ZNF66: variants seen among roughly 807,000 people sequenced by gnomAD.
The protein encoded by ZNF66 is putative zinc finger protein 66.
Under a neutral mutation model 35.2 loss-of-function variants are expected in ZNF66, and 32 were observed. The ratio of observed to expected loss-of-function variants is 0.91; its 90% CI spans 0.69 to 1.22. The LOEUF (loss-of-function observed/expected upper bound fraction) is 1.22, where lower values mean the gene tolerates loss of function less well. ZNF66 is among the 50% of genes most tolerant of loss of function. The pLI is 0.00. For missense variants in ZNF66, 666 were observed against 543.1 expected, an observed-to-expected ratio of 1.23 and a Z score of -2.25; for synonymous variants, 231 against 181.3, an observed-to-expected ratio of 1.27 and a Z score of -2.20.
chr19:20,805,906 G>T lies in ZNF66; in HGVS notation c.306G>T (p.Arg102Ser). The T allele has an allele frequency of 1.5e-6, 1 of 665,944 alleles. No individual in the cohort carries two copies. The allele number at this position is 665,944 out of a possible 1,614,324, so 41.3% of individuals were successfully genotyped here. A position where few individuals can be genotyped will look rare whatever the true frequency, so the allele number is the denominator to read the frequency against. Residue 102 changes from arginine (R) to serine (S), a missense_variant, in exon 4 of 4, where the codon AGG (arginine) becomes AGT (serine). Physicochemically the swap from Arg to Ser is moderately radical, Grantham distance 110. Coordinates refer to ENST00000344519, the MANE Select transcript of ZNF66 (RefSeq NM_001355197.2). ...KDSFQKLILR[R>S]HKKCGHDNLQ... ...CTTTCCAAAAACTGATACTGAGAAG[G>T]CATAAAAAATGTGGACATGATAATT...
chr19:20,791,000 C>T (rs921700629), intron 1 of ZNF66, among the ~76,000 whole-genome samples: 1 of 152,114 alleles, frequency 6.6e-6, no homozygotes, highest in Non-Finnish European at 1.5e-5. Flanking sequence ...ATACGCCATG[C>T]AGATTTATCA....
At chr19:20,791,814 A>AAT (rs1971340558) in intron 1 of ZNF66, among the ~76,000 whole-genome samples, 1 of 152,188 alleles carries the variant, frequency 6.6e-6, no homozygotes, top group Non-Finnish European at 1.5e-5. Flanking sequence ...CACTTGCTTA[A>AAT]ATAGGTCTCT....
chr19:20,776,644 CTG>C (rs1971197484), intron 1 of ZNF66, among the ~76,000 whole-genome samples, 194 bp downstream of exon 1: 2 of 152,210 alleles, frequency 1.3e-5, no homozygotes, highest in African/African-American at 4.8e-5. Flanking sequence ...CGCGCAGTGA[CTG>C]TGCCCCTGGC....
At position 20,808,956 on chromosome 19, in the gene ZNF66, T is replaced by A. The variant is rs1343014126; in HGVS notation, c.*1634T>A. Reference sequence around the variant, plus strand: ...GAAGTTAAAAAATTAGACGAATGTATAACTAGAATAACCAATGCAGAGAAA... The same window carrying A: ...GAAGTTAAAAAATTAGACGAATGTAAAACTAGAATAACCAATGCAGAGAAA... On this transcript the variant is annotated 3_prime_UTR_variant, in exon 4 of 4. Coordinates refer to ENST00000344519, the MANE Select transcript of ZNF66 (RefSeq NM_001355197.2). Among the ~76,000 whole-genome samples, 1 of 151,874 alleles carries A rather than the reference T, an allele frequency of 6.6e-6. No individual in the cohort carries two copies. Among genetic ancestry groups the A allele is most frequent in the Non-Finnish European group, 1.5e-5 (1 of 67,992 alleles).
intron 3 of ZNF66, among the ~76,000 whole-genome samples, chr19:20,796,148 C>T (rs1038738245): frequency 6.6e-6 from 1 of 152,034 alleles, no homozygotes. Context: ...GTTAATGTAC[C>T]ATGTATCTGT....
chr19:20,805,323 A>G (rs2144917850), intron 3 of ZNF66, among the ~76,000 whole-genome samples: 1 of 152,218 alleles, frequency 6.6e-6, no homozygotes, highest in East Asian at 1.9e-4. Context: ...CCTCCTGAGT[A>G]GCTGAGATTA....
chr19:20,791,439 C>T (rs1208645965), intron 1 of ZNF66, among the ~76,000 whole-genome samples: 3 of 143,748 alleles, frequency 2.1e-5, no homozygotes, highest in East Asian at 4.1e-4. Flanking sequence ...GAGCTGAGAT[C>T]GTGCCATTGC....
At chr19:20,787,789 T>A (rs1032372418) in intron 1 of ZNF66, among the ~76,000 whole-genome samples, 1 of 152,204 alleles carries the variant, frequency 6.6e-6, no homozygotes, top group African/African-American at 2.4e-5. Context: ...GGAGAAGAGT[T>A]ATTTTTGTTA....
rs762568324 is a variant in ZNF66, at chr19:20,806,151, G to C, written c.551G>C (p.Arg184Pro). Residue 184 changes from arginine (R) to proline (P), a missense_variant, in exon 4 of 4, where the codon CGG (arginine) becomes CCG (proline). Transcript: ENST00000344519. ...ACAGAATGTGGCAAAGCTTTTAACC[G>C]GTCCTCAACCTTTACTACACATAAG... Reference protein sequence around the residue: ...KFTECGKAFNRSSTFTTHKKI... With the variant: ...KFTECGKAFNPSSTFTTHKKI... 3 of 1,171,398 alleles carry C rather than the reference G, an allele frequency of 2.6e-6. No individual in the cohort carries two copies. In the African/African-American group the frequency reaches 4.5e-5, roughly 18 times the overall value. 72.6% of individuals were successfully genotyped at this position (1,171,398 alleles called of 1,614,324 possible).
rs542663062 is a variant in ZNF66, at chr19:20,781,848, G to A, written c.3+5398G>A. ...AAGAAAAATAGTGTCCAGCTTCATT[G>A]ATGTTATTGCAAAGGACGTGATTTT... On this transcript the variant is annotated intron_variant, in intron 1 of 3. Coordinates refer to ENST00000344519, the MANE Select transcript of ZNF66 (RefSeq NM_001355197.2). 5.9e-5 allele frequency among the ~76,000 whole-genome samples: 9 copies of A among 151,796 alleles called. No homozygotes were observed. The East Asian group carries it at 1.7e-3, about 29-fold the overall frequency.
rs765251292 is a variant in ZNF66 at position 20,807,027 on chromosome 19, C to G, written c.1427C>G (p.Thr476Ser). Reference protein sequence around the residue: ...SNLTKHKKIHTGEKPYKCEEC... With the variant: ...SNLTKHKKIHSGEKPYKCEEC... ...CTTACTAAACACAAGAAAATTCATA[C>G]TGGAGAGAAGCCTTACAAATGTGAA... The change falls in exon 4 of 4, where the codon ACT becomes AGT. Residue 476 changes from threonine to serine, a missense_variant. Transcript: ENST00000344519. The G allele has an allele frequency of 4.6e-6, 4 of 876,436 alleles. No homozygotes were observed. In the African/African-American group the frequency reaches 6.6e-5, roughly 14 times the overall value. 54.3% of individuals were successfully genotyped at this position (876,436 alleles called of 1,614,324 possible).
In ZNF66 at chr19:20,806,915, A is replaced by G. The variant is rs761347430; in HGVS notation, c.1315A>G (p.Ile439Val). 1.3e-5 allele frequency: 16 copies of G among 1,237,336 alleles called. No individual in the cohort carries two copies. The highest frequency in any genetic ancestry group is 7.2e-5 in the South Asian group (6 of 83,152). The allele number at this position is 1,237,336 out of a possible 1,614,324, so 76.6% of individuals were successfully genotyped here. ...ECGKAFSRSSILTTHKIIHTG... is the reference protein window; with the variant it reads ...ECGKAFSRSSVLTTHKIIHTG... Reference sequence around the variant, plus strand: ...TGGCAAAGCCTTCAGTCGGTCCTCTATTCTTACTACACATAAGATAATTCA... The same window carrying G: ...TGGCAAAGCCTTCAGTCGGTCCTCTGTTCTTACTACACATAAGATAATTCA... The change falls in exon 4 of 4, where the codon ATT becomes GTT. Residue 439 changes from isoleucine to valine, a missense_variant. Ile to Val is a conservative substitution (Grantham distance 29, BLOSUM62 3). Coordinates refer to ENST00000344519, the MANE Select transcript of ZNF66 (RefSeq NM_001355197.2).
At chr19:20,782,364 A>G (rs1384063800) in intron 1 of ZNF66, among the ~76,000 whole-genome samples, 1 of 152,168 alleles carries the variant, frequency 6.6e-6, no homozygotes, top group Non-Finnish European at 1.5e-5. Flanking sequence ...TAATATAATA[A>G]TTTATATTTC....
In ZNF66 at chr19:20,807,561, T is replaced by C. The variant is rs547506115; in HGVS notation, c.*239T>C. 2.6e-5 allele frequency among the ~76,000 whole-genome samples: 4 copies of C among 151,438 alleles called. No individual in the cohort carries two copies. The highest frequency in any genetic ancestry group is 5.9e-5 in the Non-Finnish European group (4 of 67,964). On this transcript the variant is annotated 3_prime_UTR_variant, in exon 4 of 4. Coordinates refer to ENST00000344519, the MANE Select transcript of ZNF66 (RefSeq NM_001355197.2). ...CACCTGTGAAGAATGTGGCATAGCC[T>C]ATAACAATTTTCAATCAATTCTTTT...
At chr19:20,788,695 G>T (rs56015102) in intron 1 of ZNF66, among the ~76,000 whole-genome samples, 1 of 151,872 alleles carries the variant, frequency 6.6e-6, no homozygotes, top group Non-Finnish European at 1.5e-5. Context: ...GAGCCACCAC[G>T]CCTGGCCATA....
chr19:20,805,651 G>C (rs1023945525), intron 3 of ZNF66, among the ~76,000 whole-genome samples, 176 bp from the exon 4 acceptor site: 14 of 151,814 alleles, frequency 9.2e-5, no homozygotes, highest in African/African-American at 2.9e-4. Flanking sequence ...TTTTACAAAT[G>C]TATTTTGGGC....
chr19:20,791,845 A>G (rs1431191404), intron 1 of ZNF66, among the ~76,000 whole-genome samples: 2 of 152,132 alleles, frequency 1.3e-5, no homozygotes, highest in African/African-American at 2.4e-5. Flanking sequence ...TTTTTACTAT[A>G]TAGCTAATTA....
rs1049245893 is a variant in ZNF66 at position 20,808,780 on chromosome 19, G to T, written c.*1458G>T. Among the ~76,000 whole-genome samples the T allele has an allele frequency of 8.0e-5, 12 of 150,574 alleles. 1 individual carries two copies. Among genetic ancestry groups the T allele is most frequent in the Admixed American group, 7.9e-4 (12 of 15,158 alleles). On this transcript the variant is annotated 3_prime_UTR_variant, in exon 4 of 4. Transcript: ENST00000344519. ...GCAGAAAAACTGGAAAGTCTAAAAA[G>T]CAGAGCACCTCTCCTCCTCCAAAGG...
intron 1 of ZNF66, among the ~76,000 whole-genome samples, chr19:20,779,928 CAAAA>C (rs71174746): frequency 7.8e-6 from 1 of 128,584 alleles, no homozygotes; most frequent in Non-Finnish European, 1.6e-5. Context: ...AACTCTGTCT[CAAAA>C]AAAAAAAAAA....
Sources: gnomAD v4.1 joint callset for allele counts (sites outside exome capture counted in the v4.1 genomes callset) on GRCh38, gnomAD v4.1.1 for gene constraint, MANE v1.5 for transcripts, NCBI Gene and HGNC (gene_info 2026-07-23, HGNC 2026-07-21) for gene names.